Variants in PLXNA2 observed in about 807,000 individuals in gnomAD.
PLXNA2 encodes the protein plexin-A2.
PLXNA2 carries 91 observed loss-of-function variants against 193.5 expected under a neutral mutation model. The observed-to-expected ratio is 0.47, with a 90% confidence interval of 0.40 to 0.56. PLXNA2 has a LOEUF of 0.56. Ranked by LOEUF, PLXNA2 falls within the 20% of genes least tolerant of loss-of-function variation. PLXNA2 has a pLI of 0.00. For synonymous variants in PLXNA2, 997 were observed against 1,027.3 expected (o/e 0.97, Z 0.56); for missense variants, 1,995 against 2,503.2 (o/e 0.80, Z 4.33).
At chr1:208,228,390 T>A (rs76095334) in intron 1 of PLXNA2, among the ~76,000 whole-genome samples, 8,813 of 152,268 alleles carry the variant, frequency 0.058, 373 homozygotes, top group East Asian at 0.15. Flanking sequence ...GGAATCCTCG[T>A]GCTGCCTCCC....
chr1:208,076,941 T>C (rs1363073369), intron 12 of PLXNA2, among the ~76,000 whole-genome samples: 1 of 152,240 alleles, frequency 6.6e-6, no homozygotes, highest in Non-Finnish European at 1.5e-5. Flanking sequence ...GTACTATTTT[T>C]GTACCTTTTT....
In PLXNA2 at chr1:208,162,879, C is replaced by T. The variant is rs147913566; in HGVS notation, c.1372-20416G>A. ...TGACATTCACCACTGTGCACACTGC[C>T]TCTAACAAAGAAATACAAGCAACTC... is the stretch of plus-strand genomic sequence containing the variant. On this transcript the variant is annotated intron_variant, in intron 3 of 31. Transcript: ENST00000367033. 1.1e-3 allele frequency among the ~76,000 whole-genome samples: 172 copies of T among 152,300 alleles called. 1 individual carries two copies. Among genetic ancestry groups the T allele is most frequent in the East Asian group, 0.01 (52 of 5,192 alleles).
intron 5 of PLXNA2, among the ~76,000 whole-genome samples, chr1:208,100,812 C>T (rs1270869844): frequency 6.6e-6 from 1 of 152,194 alleles, no homozygotes; most frequent in African/African-American, 2.4e-5. Context: ...GGCTCCCCTG[C>T]CCACAGTAGC....
At chr1:208,124,034 C>T (rs567077311) in intron 4 of PLXNA2, among the ~76,000 whole-genome samples, 66 of 152,220 alleles carry the variant, frequency 4.3e-4, no homozygotes, top group Non-Finnish European at 1.0e-4. Context: ...AACATTGCCC[C>T]GTGGCCACTA....
At chr1:208,196,141 C>T (rs1558238906) in intron 3 of PLXNA2, among the ~76,000 whole-genome samples, 1 of 152,134 alleles carries the variant, frequency 6.6e-6, no homozygotes, top group African/African-American at 2.4e-5. Flanking sequence ...GGCACATTTC[C>T]AATACTGAAG....
chr1:208,107,537 C>T (rs1350606298), intron 4 of PLXNA2, among the ~76,000 whole-genome samples: 2 of 152,076 alleles, frequency 1.3e-5, no homozygotes, highest in Admixed American at 6.5e-5. Flanking sequence ...CACTTTGTAC[C>T]CCAGGTGACA....
chr1:208,201,532 C>T (rs572424112), intron 3 of PLXNA2, among the ~76,000 whole-genome samples: 1 of 152,136 alleles, frequency 6.6e-6, no homozygotes, highest in Non-Finnish European at 1.5e-5. Flanking sequence ...CTTCCTCCGT[C>T]TGACCTTGCA....
chr1:208,172,026 T>TA (rs112716826), intron 3 of PLXNA2, among the ~76,000 whole-genome samples: 80,873 of 135,070 alleles, frequency 0.6, 24,575 homozygotes, highest in East Asian at 0.98. Flanking sequence ...GGTTTTGCCA[T>TA]AAAAAAAAAA....
chr1:208,045,773 T>A, intron 18 of PLXNA2, 105 bp downstream of exon 18: 2 of 1,404,836 alleles, frequency 1.4e-6, no homozygotes, highest in Non-Finnish European at 2.0e-6. Flanking sequence ...CAAGTTCAAT[T>A]GCATAGAAAG....
At chr1:208,212,126 A>C (rs142016738) in intron 2 of PLXNA2, among the ~76,000 whole-genome samples, 1 of 152,168 alleles carries the variant, frequency 6.6e-6, no homozygotes, top group Non-Finnish European at 1.5e-5. Flanking sequence ...CTATCGTAGA[A>C]ATCATAGAAA....
Position 208,026,957 on chromosome 1 carries a change from C to A in PLXNA2, c.*286G>T, listed in dbSNP as rs531151296. 4 of 319,172 alleles carry A rather than the reference C, an allele frequency of 1.3e-5. 1 individual carries two copies. In the South Asian group the frequency reaches 2.4e-4, roughly 19 times the overall value. 19.8% of individuals were successfully genotyped at this position (319,172 alleles called of 1,614,324 possible). ...CAAAGCAGCAGTCACAGAGGCAGAA[C>A]TGTCCCCAGCTCGTGCCTCTCGGCT... On this transcript the variant is annotated 3_prime_UTR_variant, in exon 32 of 32. Coordinates refer to ENST00000367033, the MANE Select transcript of PLXNA2 (RefSeq NM_025179.4).
At chr1:208,054,389 C>T in intron 14 of PLXNA2, 32 bp downstream of exon 14, 2 of 1,454,670 alleles carry the variant, frequency 1.4e-6, no homozygotes, top group Non-Finnish European at 1.9e-6. Context: ...CCTCCCTGGG[C>T]ACCTGCACCT....
intron 3 of PLXNA2, among the ~76,000 whole-genome samples, chr1:208,167,235 A>T (rs554974792): frequency 5.3e-5 from 8 of 152,314 alleles, no homozygotes; most frequent in African/African-American, 1.9e-4. Context: ...AAAGGCTGAG[A>T]GGAAGAGAGG....
intron 3 of PLXNA2, among the ~76,000 whole-genome samples, chr1:208,156,343 C>G (rs1163959319): frequency 6.6e-6 from 1 of 152,130 alleles, no homozygotes; most frequent in Non-Finnish European, 1.5e-5. Context: ...GAACTCATCC[C>G]TATTTAACAA....
intron 1 of PLXNA2, among the ~76,000 whole-genome samples, chr1:208,218,944 C>G (rs1033215680): frequency 2.0e-5 from 3 of 152,180 alleles, no homozygotes; most frequent in African/African-American, 7.2e-5. Flanking sequence ...GCTTCAGCCA[C>G]CTGGGGCAGG....
intron 11 of PLXNA2, among the ~76,000 whole-genome samples, chr1:208,081,839 T>G (rs183061059): frequency 6.6e-6 from 1 of 152,262 alleles, no homozygotes; most frequent in Non-Finnish European, 1.5e-5. Flanking sequence ...CGGGCCTAAC[T>G]GGCACATGGG....
intron 20 of PLXNA2, 42 bp from the exon 21 acceptor site, chr1:208,043,245 A>C (rs1004293075): frequency 6.3e-7 from 1 of 1,599,416 alleles, no homozygotes; most frequent in Non-Finnish European, 8.6e-7. Context: ...GGGAAGCCCC[A>C]GTCGGGGGAG....
chr1:208,226,763 C>A (rs1011243575), intron 1 of PLXNA2, among the ~76,000 whole-genome samples: 10 of 152,224 alleles, frequency 6.6e-5, no homozygotes, highest in Non-Finnish European at 1.5e-4. Flanking sequence ...CAATCAATTT[C>A]AAGCAGCTGC....
At chr1:208,161,449 G>A (rs909955453) in intron 3 of PLXNA2, among the ~76,000 whole-genome samples, 3 of 151,978 alleles carry the variant, frequency 2.0e-5, no homozygotes, top group East Asian at 1.9e-4. Flanking sequence ...AATCAGCTAG[G>A]GAACAGTCTG....
Sources: allele counts gnomAD v4.1 joint callset (sites outside exome capture counted in the v4.1 genomes callset), GRCh38; gene constraint gnomAD v4.1.1; transcripts MANE v1.5; gene names NCBI Gene and HGNC (gene_info 2026-07-23, HGNC 2026-07-21).